Variants in FBXL17 observed in about 807,000 individuals in gnomAD.
FBXL17 encodes the protein F-box and leucine rich repeat protein 17, also known as F-box/LRR-repeat protein 17.
In FBXL17, 22 loss-of-function variants were observed where a neutral mutation model predicts 66.2. The observed-to-expected ratio is 0.33, with a 90% CI of 0.24 to 0.47. FBXL17 has a LOEUF of 0.47. FBXL17 is among the 20% of genes least tolerant of loss of function. The pLI is 1.00. For synonymous variants in FBXL17, 474 were observed against 400.5 expected (o/e 1.18, Z -2.19); for missense variants, 878 against 948.2 (o/e 0.93, Z 0.97).
intron 4 of FBXL17, among the ~76,000 whole-genome samples, chr5:108,291,347 T>G (rs995334236): frequency 6.6e-6 from 1 of 152,194 alleles, no homozygotes; most frequent in Admixed American, 6.5e-5. Context: ...TTGTAAGTAT[T>G]CAGAACAGCC....
chr5:108,099,167 A>G (rs1195078240), intron 6 of FBXL17, among the ~76,000 whole-genome samples: 3 of 152,192 alleles, frequency 2.0e-5, no homozygotes, highest in Admixed American at 6.5e-5. Flanking sequence ...AAGCAATAAT[A>G]TAACTACATT....
chr5:108,094,580 T>C (rs1580432733), intron 6 of FBXL17, among the ~76,000 whole-genome samples: 2 of 152,256 alleles, frequency 1.3e-5, no homozygotes, highest in South Asian at 4.1e-4. Flanking sequence ...CATTTACAAC[T>C]TCCCCATTCA....
intron 6 of FBXL17, among the ~76,000 whole-genome samples, chr5:108,173,797 C>G (rs896249144): frequency 6.6e-6 from 1 of 152,128 alleles, no homozygotes; most frequent in South Asian, 2.1e-4. Context: ...CATTTCCTAA[C>G]AAGAAATTGA....
intron 4 of FBXL17, among the ~76,000 whole-genome samples, chr5:108,304,416 T>G (rs971568362): frequency 2.6e-5 from 4 of 151,958 alleles, no homozygotes; most frequent in Admixed American, 2.6e-4. Context: ...ATAATTATCA[T>G]GAAAAGTTTC....
intron 4 of FBXL17, among the ~76,000 whole-genome samples, chr5:108,236,394 T>A (rs1433946869): frequency 2.0e-5 from 3 of 151,440 alleles, no homozygotes; most frequent in Admixed American, 6.6e-5. Context: ...GCGCCTGTAA[T>A]CCCAGCTACT....
chr5:108,097,668 A>G (rs1749429919), intron 6 of FBXL17, among the ~76,000 whole-genome samples: 1 of 152,004 alleles, frequency 6.6e-6, no homozygotes, highest in African/African-American at 2.4e-5. Flanking sequence ...GCACGCCTGT[A>G]ATCCCAGCTA....
intron 6 of FBXL17, among the ~76,000 whole-genome samples, chr5:108,150,229 C>T (rs1200967881): frequency 6.6e-6 from 1 of 152,036 alleles, no homozygotes; most frequent in Non-Finnish European, 1.5e-5. Context: ...AACTTTGATA[C>T]AATCTTTTTT....
chr5:108,034,903 T>C, intron 6 of FBXL17, among the ~76,000 whole-genome samples: 1 of 152,230 alleles, frequency 6.6e-6, no homozygotes, highest in East Asian at 1.9e-4. Flanking sequence ...GGTTTTCATT[T>C]ATTGACATGA....
chr5:108,285,163 T>C (rs1167111024), intron 4 of FBXL17, among the ~76,000 whole-genome samples: 1 of 151,974 alleles, frequency 6.6e-6, no homozygotes, highest in Non-Finnish European at 1.5e-5. Flanking sequence ...CAGTCACATC[T>C]TCAGGCTTCA....
intron 7 of FBXL17, among the ~76,000 whole-genome samples, chr5:107,899,714 G>A (rs575663489): frequency 6.6e-6 from 1 of 152,188 alleles, no homozygotes; most frequent in Non-Finnish European, 1.5e-5. Context: ...ATGAATGGAT[G>A]ATTTTCTAAA....
At chr5:108,280,647 G>A (rs1039371953) in intron 4 of FBXL17, among the ~76,000 whole-genome samples, 2 of 150,688 alleles carry the variant, frequency 1.3e-5, no homozygotes, top group Non-Finnish European at 3.0e-5. Flanking sequence ...AACATGACAG[G>A]ACTAAAACCT....
At chr5:108,319,740 T>C (rs889905820) in intron 4 of FBXL17, among the ~76,000 whole-genome samples, 3 of 151,734 alleles carry the variant, frequency 2.0e-5, no homozygotes, top group African/African-American at 7.2e-5. Context: ...ACTTTTTCAA[T>C]TTAACAATTT....
intron 4 of FBXL17, among the ~76,000 whole-genome samples, chr5:108,265,562 A>G (rs1008718766): frequency 1.3e-5 from 2 of 152,152 alleles, no homozygotes; most frequent in Admixed American, 1.3e-4. Flanking sequence ...TATATCATTC[A>G]TTAAGAGATA....
chr5:108,196,901 C>G (rs1182629100), intron 5 of FBXL17, among the ~76,000 whole-genome samples: 3 of 152,108 alleles, frequency 2.0e-5, no homozygotes, highest in Admixed American at 6.6e-5. Flanking sequence ...TTAAGAGCCT[C>G]TGTAAGTTAT....
intron 7 of FBXL17, among the ~76,000 whole-genome samples, chr5:107,891,055 G>A (rs1438126851): frequency 1.3e-5 from 2 of 152,148 alleles, no homozygotes; most frequent in Admixed American, 1.3e-4. Flanking sequence ...ATAAAGCAGA[G>A]ACCAGGATGA....
chr5:108,132,418 C>T (rs1336213471), intron 6 of FBXL17, among the ~76,000 whole-genome samples: 1 of 151,864 alleles, frequency 6.6e-6, no homozygotes, highest in Non-Finnish European at 1.5e-5. Context: ...GAACAGAAAC[C>T]CCTAATTACT....
chr5:108,001,843 A>T (rs542034709), intron 7 of FBXL17, among the ~76,000 whole-genome samples: 3 of 105,614 alleles, frequency 2.8e-5, no homozygotes, highest in South Asian at 2.9e-4. Flanking sequence ...TCTCAAAATT[A>T]AAAAAAAAAA....
At chr5:108,038,377 G>A (rs1746926561) in intron 6 of FBXL17, among the ~76,000 whole-genome samples, 1 of 151,946 alleles carries the variant, frequency 6.6e-6, no homozygotes, top group African/African-American at 2.4e-5. Flanking sequence ...TGAGATTTAT[G>A]TTAAAATACG....
chr5:108,046,147 A>G (rs1283685980), intron 6 of FBXL17, among the ~76,000 whole-genome samples: 2 of 152,224 alleles, frequency 1.3e-5, no homozygotes, highest in Non-Finnish European at 2.9e-5. Flanking sequence ...TGTTTGCTGC[A>G]TAAACATTTA....
Sources: allele counts gnomAD v4.1 joint callset (sites outside exome capture counted in the v4.1 genomes callset), GRCh38; gene constraint gnomAD v4.1.1; transcripts MANE v1.5; gene names NCBI Gene and HGNC (gene_info 2026-07-23, HGNC 2026-07-21).